TMEM230: variants seen among roughly 807,000 people sequenced by gnomAD.
TMEM230 encodes the protein transmembrane protein 230.
A neutral mutation model predicts 15.8 loss-of-function variants in TMEM230; 10 were observed. That is an observed-to-expected ratio of 0.63 (90% confidence interval 0.39 to 1.07). The LOEUF is 1.07. Ranked by LOEUF, TMEM230 falls within the 50% of genes least tolerant of loss-of-function variation. The probability of loss-of-function intolerance (pLI) is 0.01; values close to 1 mark genes in which losing one functional copy is unlikely to be tolerated. For missense variants in TMEM230, 165 were observed against 193.3 expected (o/e 0.85, Z 0.87); for synonymous variants, 67 against 76.9 (o/e 0.87, Z 0.68).
chr20:5,094,350 C>A (rs1203869277), intron 3 of TMEM230, among the ~76,000 whole-genome samples: 1 of 151,874 alleles, frequency 6.6e-6, no homozygotes, highest in African/African-American at 2.4e-5. Context: ...CTCAACTGAT[C>A]CCATCTCAGC....
chr20:5,098,843 G>C (rs1035175307), downstream of TMEM230, among the ~76,000 whole-genome samples: 2 of 152,100 alleles, frequency 1.3e-5, no homozygotes, highest in Admixed American at 1.3e-4. Context: ...GGGAGCCCAA[G>C]TTTTAAAAAC....
downstream of TMEM230, among the ~76,000 whole-genome samples, chr20:5,096,213 T>C (rs1263075436): frequency 6.6e-6 from 1 of 152,226 alleles, no homozygotes; most frequent in Non-Finnish European, 1.5e-5. Flanking sequence ...CTCTGCCTCA[T>C]CCCAGGCTCT....
intron 4 of TMEM230, among the ~76,000 whole-genome samples, chr20:5,102,220 G>T (rs1461037035): frequency 2.0e-5 from 3 of 152,118 alleles, no homozygotes; most frequent in African/African-American, 4.8e-5. Flanking sequence ...AATCTTTTTG[G>T]TTTTTCTGCT....
downstream of TMEM230, among the ~76,000 whole-genome samples, chr20:5,064,075 T>C (rs2122514657): frequency 6.6e-6 from 1 of 152,118 alleles, no homozygotes; most frequent in East Asian, 1.9e-4. Context: ...GAGACCAGCC[T>C]GGCCAATATG....
At position 5,111,838 on chromosome 20, in the gene TMEM230, CTT is replaced by C. The variant is rs368251336; in HGVS notation, c.69-235_69-234del. On this transcript the variant is annotated intron_variant, in intron 1 of 4. Transcript: ENST00000342308. ...TTCCAAAAAATAACAAATTGTTTTT[CTT>C]TTTTTTTGGTGTTTTCTTTTTTTTG... 2,841 of 946,456 alleles carry C rather than the reference CTT, an allele frequency of 3.0e-3. 65 individuals are homozygous for C. The African/African-American group carries it at 0.047, about 16-fold the overall frequency. The allele number at this position is 946,456 out of a possible 1,614,324, so 58.6% of individuals were successfully genotyped here.
chr20:5,069,443 T>A lies in TMEM230; in HGVS notation c.223-94A>T, dbSNP rs1056325465. 8.4e-5 allele frequency: 112 copies of A among 1,328,334 alleles called. No individual in the cohort carries two copies. The Middle Eastern group carries it at 1.7e-3, about 20-fold the overall frequency. 82.3% of individuals were successfully genotyped at this position (1,328,334 alleles called of 1,614,324 possible). On this transcript the variant is annotated intron_variant, in intron 3 of 3. Transcript: ENST00000612323. The stretch of plus-strand genomic sequence containing the variant: ...TTGTCAAGAAATCACATCTTATGCA[T>A]TTTGGTGCTCCACAACACTTCCTGA...
chr20:5,070,286 T>G (rs1021092259), intron 3 of TMEM230, among the ~76,000 whole-genome samples: 8 of 152,212 alleles, frequency 5.3e-5, no homozygotes, highest in African/African-American at 1.9e-4. Flanking sequence ...ATGAGCCATC[T>G]TGTATTTGCA....
At chr20:5,081,683 A>C (rs1192811057) in intron 3 of TMEM230, among the ~76,000 whole-genome samples, 12 of 152,116 alleles carry the variant, frequency 7.9e-5, no homozygotes, top group Admixed American at 7.9e-4. Flanking sequence ...TAGACAAAAC[A>C]AAATACATCT....
intron 3 of TMEM230, among the ~76,000 whole-genome samples, chr20:5,083,341 A>G (rs2089240031): frequency 6.6e-6 from 1 of 151,048 alleles, no homozygotes; most frequent in Non-Finnish European, 1.5e-5. Flanking sequence ...AGAAAGAGAA[A>G]GAAAAACAGT....
At chr20:5,112,368 A>T (rs1049755483) in intron 1 of TMEM230, among the ~76,000 whole-genome samples, 1 of 152,220 alleles carries the variant, frequency 6.6e-6, no homozygotes, top group African/African-American at 2.4e-5. Context: ...AATTCTATAA[A>T]ACAAAGTTCA....
chr20:5,071,451 C>A (rs1014300605), intron 3 of TMEM230, among the ~76,000 whole-genome samples: 24 of 151,580 alleles, frequency 1.6e-4, no homozygotes, highest in African/African-American at 5.8e-4. Context: ...AAGGAGACAC[C>A]CCGTCTCTAC....
At chr20:5,103,847 C>T (rs1229242005) in intron 4 of TMEM230, among the ~76,000 whole-genome samples, 1 of 152,062 alleles carries the variant, frequency 6.6e-6, no homozygotes, top group Admixed American at 6.6e-5. Flanking sequence ...TATAAGAAAA[C>T]ATGGGGGAAA....
chr20:5,064,800 GAA>G (rs988262878), downstream of TMEM230, among the ~76,000 whole-genome samples: 1 of 151,580 alleles, frequency 6.6e-6, no homozygotes, highest in South Asian at 2.1e-4. Context: ...GGTGATCAAA[GAA>G]AAAAAAGAGT....
the TMEM230 span, among the ~76,000 whole-genome samples, chr20:5,060,296 G>T: frequency 6.8e-6 from 1 of 146,954 alleles, no homozygotes; most frequent in Non-Finnish European, 1.5e-5. Context: ...TTTTTGAAAT[G>T]TATGGACTGG....
In TMEM230 at chr20:5,094,631, T is replaced by C. The variant is rs112392690; in HGVS notation, c.222+11557A>G. Among the ~76,000 whole-genome samples the C allele has an allele frequency of 1.1e-3, 155 of 140,736 alleles. 3 individuals carry two copies. In the South Asian group the frequency reaches 0.015, roughly 14 times the overall value. 92.3% of individuals were successfully genotyped at this position (140,736 alleles called of 152,430 possible). A position where few individuals can be genotyped will look rare whatever the true frequency, so the allele number is the denominator to read the frequency against. ...CTGAGGTAGGAGAATAGCTTGAACA[T>C]GTGAGGCAGAGGTTGCAGTGAGCTG... On this transcript the variant is annotated intron_variant, in intron 3 of 3. Coordinates refer to the TMEM230 transcript ENST00000612323.
chr20:5,082,354 C>T (rs2089206808), intron 3 of TMEM230, among the ~76,000 whole-genome samples: 1 of 151,984 alleles, frequency 6.6e-6, no homozygotes, highest in Non-Finnish European at 1.5e-5. Context: ...GATCCTCCTG[C>T]CTCAGCCTCC....
chr20:5,104,604 A>G (rs142344046), intron 4 of TMEM230, among the ~76,000 whole-genome samples: 41 of 152,380 alleles, frequency 2.7e-4, no homozygotes, highest in African/African-American at 8.4e-4. Context: ...ACAACAGCCA[A>G]GATCTGGAAG....
chr20:5,088,179 C>T (rs2122638620), intron 3 of TMEM230, among the ~76,000 whole-genome samples: 1 of 151,250 alleles, frequency 6.6e-6, no homozygotes, highest in East Asian at 2.0e-4. Flanking sequence ...CGTGGTGGCG[C>T]ATGCCTGTAA....
exon 4 of TMEM230, chr20:5,069,257 C>T (rs2088749298): frequency 6.5e-7 from 1 of 1,536,010 alleles, no homozygotes; most frequent in African/African-American, 1.4e-5. Context: ...CTTCGGGACT[C>T]CTCCCACTGA....
Sources: allele counts gnomAD v4.1 joint callset (sites outside exome capture counted in the v4.1 genomes callset), GRCh38; gene constraint gnomAD v4.1.1; transcripts MANE v1.5; gene names NCBI Gene and HGNC (gene_info 2026-07-23, HGNC 2026-07-21).